Variants in RNGTT observed in about 807,000 individuals in gnomAD.
RNGTT encodes mRNA-capping enzyme.
RNGTT carries 33 observed loss-of-function variants against 79.3 expected under a neutral mutation model. That is an observed-to-expected ratio of 0.42 (90% CI 0.32 to 0.56). RNGTT has a LOEUF of 0.56. Among genes scored for constraint, RNGTT ranks in the 20% least tolerant of loss-of-function variants. The pLI is 0.17. For missense variants in RNGTT, 497 were observed against 739.1 expected, an observed-to-expected ratio of 0.67 and a Z score of 3.80; for synonymous variants, 222 against 235.9, an observed-to-expected ratio of 0.94 and a Z score of 0.54.
At chr6:88,793,825 G>GA (rs1250337582) in intron 12 of RNGTT, among the ~76,000 whole-genome samples, 4 of 152,102 alleles carry the variant, frequency 2.6e-5, no homozygotes, top group Non-Finnish European at 4.4e-5. Context: ...CATGGCAGGA[G>GA]AAAAAAATCA....
intron 13 of RNGTT, among the ~76,000 whole-genome samples, chr6:88,740,796 G>T (rs956874446): frequency 2.6e-5 from 4 of 152,088 alleles, no homozygotes; most frequent in Non-Finnish European, 5.9e-5. Flanking sequence ...CGTAGGCAAG[G>T]ATGGGTCAAT....
chr6:88,858,744 A>G (rs921317468), intron 8 of RNGTT, among the ~76,000 whole-genome samples: 1 of 152,190 alleles, frequency 6.6e-6, no homozygotes, highest in Non-Finnish European at 1.5e-5. Context: ...CACCCTCTAC[A>G]GTATACTAAC....
intron 13 of RNGTT, among the ~76,000 whole-genome samples, chr6:88,717,696 C>T (rs1250690582): frequency 6.6e-6 from 1 of 152,072 alleles, no homozygotes; most frequent in Non-Finnish European, 1.5e-5. Context: ...AAAAGAAAAG[C>T]CCCAAGAAAA....
chr6:88,623,935 T>G (rs1198832322), intron 14 of RNGTT, among the ~76,000 whole-genome samples: 2 of 152,010 alleles, frequency 1.3e-5, no homozygotes, highest in African/African-American at 4.8e-5. Context: ...ACCAATTGAA[T>G]TTCTATATAC....
intron 14 of RNGTT, among the ~76,000 whole-genome samples, chr6:88,618,223 G>A (rs1463916599): frequency 6.6e-6 from 1 of 152,112 alleles, no homozygotes; most frequent in Non-Finnish European, 1.5e-5. Flanking sequence ...ACGTATTTCC[G>A]TATTTAAGAA....
chr6:88,927,801 T>C (rs1350477934), intron 4 of RNGTT, among the ~76,000 whole-genome samples: 3 of 146,718 alleles, frequency 2.0e-5, no homozygotes, highest in East Asian at 2.0e-4. Flanking sequence ...TCCACTGCAC[T>C]CCAGCCTGGG....
intron 2 of RNGTT, among the ~76,000 whole-genome samples, chr6:88,933,484 G>GTT (rs796733229): frequency 6.8e-6 from 1 of 146,414 alleles, no homozygotes. Flanking sequence ...CATGAGATCA[G>GTT]TTTTTTTTTT....
chr6:88,958,361 T>C (rs1484758959), intron 1 of RNGTT, among the ~76,000 whole-genome samples: 17 of 152,068 alleles, frequency 1.1e-4, no homozygotes, highest in Admixed American at 6.6e-5. Flanking sequence ...AAAACAAAAA[T>C]AAATAGATGG....
At chr6:88,709,678 ATTCT>A (rs751871047) in intron 13 of RNGTT, among the ~76,000 whole-genome samples, 2 of 152,222 alleles carry the variant, frequency 1.3e-5, no homozygotes, top group Non-Finnish European at 2.9e-5. Context: ...GATATTTTAC[ATTCT>A]TTCTTTTTGC....
intron 14 of RNGTT, among the ~76,000 whole-genome samples, chr6:88,654,305 T>TA (rs769717663): frequency 1.3e-5 from 2 of 152,186 alleles, no homozygotes; most frequent in Non-Finnish European, 2.9e-5. Context: ...TTAAGAGTAT[T>TA]ACAGAAAATT....
intron 4 of RNGTT, among the ~76,000 whole-genome samples, chr6:88,914,174 T>G (rs1783922945): frequency 6.6e-6 from 1 of 152,108 alleles, no homozygotes; most frequent in Admixed American, 6.6e-5. Context: ...GCTCATGGAT[T>G]GAAAGAATCA....
chr6:88,889,582 A>C (rs1782976329), intron 8 of RNGTT, among the ~76,000 whole-genome samples: 1 of 151,808 alleles, frequency 6.6e-6, no homozygotes, highest in African/African-American at 2.4e-5. Context: ...TTATTCCAAA[A>C]CATTTTATTA....
intron 4 of RNGTT, among the ~76,000 whole-genome samples, chr6:88,914,379 G>A (rs1481198316): frequency 2.0e-5 from 3 of 151,828 alleles, no homozygotes; most frequent in East Asian, 3.9e-4. Flanking sequence ...ACAACCAACC[G>A]CAAACTATGC....
chr6:88,777,740 C>T (rs768110648), intron 12 of RNGTT, among the ~76,000 whole-genome samples: 17 of 152,128 alleles, frequency 1.1e-4, no homozygotes, highest in Admixed American at 2.6e-4. Context: ...CATCTGCAAA[C>T]AGAGATAATT....
chr6:88,730,757 A>G (rs1440466237), intron 13 of RNGTT, among the ~76,000 whole-genome samples: 1 of 152,188 alleles, frequency 6.6e-6, no homozygotes, highest in Non-Finnish European at 1.5e-5. Flanking sequence ...GAAATCTCCT[A>G]AGGACATCCC....
At chr6:88,746,764 G>C (rs1232677467) in intron 13 of RNGTT, among the ~76,000 whole-genome samples, 1 of 152,130 alleles carries the variant, frequency 6.6e-6, no homozygotes, top group Non-Finnish European at 1.5e-5. Context: ...TCTGGCCTGG[G>C]GGTTGGGCAC....
chr6:88,677,477 TG>T (rs1462650177), intron 14 of RNGTT, among the ~76,000 whole-genome samples: 3 of 152,158 alleles, frequency 2.0e-5, no homozygotes, highest in Admixed American at 1.3e-4. Flanking sequence ...AAAACATTTT[TG>T]TTTTTCAAGG....
intron 10 of RNGTT, among the ~76,000 whole-genome samples, chr6:88,845,876 T>C (rs1781466538): frequency 6.6e-6 from 1 of 152,198 alleles, no homozygotes. Context: ...TCATCTCTTC[T>C]ATGCAATCAA....
At chr6:88,792,622 G>A (rs558336101) in intron 12 of RNGTT, among the ~76,000 whole-genome samples, 1 of 152,202 alleles carries the variant, frequency 6.6e-6, no homozygotes, top group East Asian at 1.9e-4. Context: ...TAAAGAGGTA[G>A]AAAAGTCATA....
Sources: gnomAD v4.1 joint callset for allele counts (sites outside exome capture counted in the v4.1 genomes callset) on GRCh38, gnomAD v4.1.1 for gene constraint, MANE v1.5 for transcripts, NCBI Gene and HGNC (gene_info 2026-07-23, HGNC 2026-07-21) for gene names.